SLA: variants seen among roughly 807,000 people sequenced by gnomAD.
SLA encodes the protein src-like-adapter.
A neutral mutation model predicts 30.3 loss-of-function variants in SLA; 16 were observed. The ratio of observed to expected loss-of-function variants is 0.53; its 90% CI spans 0.36 to 0.80. The LOEUF (loss-of-function observed/expected upper bound fraction) is 0.80, where lower values mean the gene tolerates loss of function less well. SLA is among the 30% of genes least tolerant of loss of function. SLA has a pLI of 0.01. For synonymous variants in SLA, 143 were observed against 137.8 expected (o/e 1.04, Z -0.26); for missense variants, 310 against 345.2 (o/e 0.90, Z 0.81).
intron 5 of SLA, chr8:133,049,231 T>G (rs532052106): frequency 1.2e-4 from 52 of 438,668 alleles, no homozygotes; most frequent in Admixed American, 1.1e-4. Flanking sequence ...TGAGCCTAGT[T>G]TTCTAAGATA....
chr8:133,078,467 A>C (rs1845239799), intron 1 of SLA, among the ~76,000 whole-genome samples: 1 of 152,162 alleles, frequency 6.6e-6, no homozygotes, highest in African/African-American at 2.4e-5. Context: ...ACCATTTTCC[A>C]TACTGTTCCT....
Position 133,095,168 on chromosome 8 carries a change from G to A in SLA, c.-319+7385C>T, listed in dbSNP as rs2272707. The A allele has an allele frequency of 2.4e-4, 395 of 1,614,182 alleles. 1 individual carries two copies. The East Asian group carries it at 7.5e-3, about 31-fold the overall frequency. ...AGCCAAGAAGTGGTGTCCTGCCTCC[G>A]CCAGAAGCCTGCCAATGTCCTCAAT... On this transcript the variant is annotated intron_variant, in intron 1 of 8. Coordinates refer to ENST00000338087, the MANE Select transcript of SLA (RefSeq NM_001045556.3).
chr8:133,077,415 T>C (rs1845062588), intron 1 of SLA, among the ~76,000 whole-genome samples: 1 of 152,124 alleles, frequency 6.6e-6, no homozygotes, highest in East Asian at 1.9e-4. Context: ...ACTGAAGGGT[T>C]GCTGCTAACC....
chr8:133,064,433 G>A (rs1842793998), intron 2 of SLA, among the ~76,000 whole-genome samples: 1 of 152,230 alleles, frequency 6.6e-6, no homozygotes, highest in Non-Finnish European at 1.5e-5. Context: ...AATCTTACAA[G>A]CATTCCCAAG....
At chr8:133,042,212 G>A (rs1049672413) in intron 7 of SLA, among the ~76,000 whole-genome samples, 2 of 152,268 alleles carry the variant, frequency 1.3e-5, no homozygotes, top group East Asian at 1.9e-4. Context: ...GCAACTCATT[G>A]CCTCTTAAAT....
intron 2 of SLA, 22 bp from the exon 3 acceptor site, chr8:133,060,222 G>C (rs747991666): frequency 6.2e-7 from 1 of 1,613,174 alleles, no homozygotes; most frequent in South Asian, 1.1e-5. Flanking sequence ...GAGACAGACG[G>C]GGAAAGTCAA....
At chr8:133,041,794 T>G (rs1388228242) in intron 7 of SLA, among the ~76,000 whole-genome samples, 1 of 149,000 alleles carries the variant, frequency 6.7e-6, no homozygotes, top group African/African-American at 2.5e-5. Context: ...GTTTTTTTTT[T>G]TTTTTTTTTT....
Position 133,038,760 on chromosome 8 carries a change from G to A in SLA, c.618-23C>T, listed in dbSNP as rs571882198. 1.9e-6 allele frequency: 3 copies of A among 1,544,300 alleles called. No individual in the cohort carries two copies. In the South Asian group the frequency reaches 3.4e-5, roughly 17 times the overall value. On this transcript the variant is annotated intron_variant, in intron 8 of 8. Transcript: ENST00000338087. ...AGTCTGTGGGCCAGAAGAAAAGGCA[G>A]TAGAGAAAGGGAAAAAAAGAGAGTC...
intron 1 of SLA, among the ~76,000 whole-genome samples, chr8:133,102,125 G>T (rs1374976141): frequency 3.3e-5 from 5 of 152,198 alleles, no homozygotes; most frequent in African/African-American, 1.2e-4. Flanking sequence ...TTAATATTAA[G>T]ATTAGTGTCC....
chr8:133,074,597 C>T (rs889522009), intron 2 of SLA, among the ~76,000 whole-genome samples: 9 of 152,176 alleles, frequency 5.9e-5, no homozygotes, highest in Non-Finnish European at 1.5e-5. Flanking sequence ...GCCTTTTTGG[C>T]GAGAATGTCT....
At chr8:133,060,036 C>T in intron 3 of SLA, 64 bp downstream of exon 3, 1 of 1,488,530 alleles carries the variant, frequency 6.7e-7, no homozygotes. Context: ...CCACCACCGC[C>T]CAGTCTTTAC....
intron 2 of SLA, among the ~76,000 whole-genome samples, chr8:133,070,029 A>C (rs60297487): frequency 0.76 from 82,434 of 109,052 alleles, 32,493 homozygotes; most frequent in African/African-American, 0.81. Flanking sequence ...AAAAAAAAGA[A>C]AGAAAGAAAG....
chr8:133,081,810 G>C (rs1306901581), intron 1 of SLA, among the ~76,000 whole-genome samples: 1 of 152,192 alleles, frequency 6.6e-6, no homozygotes, highest in Non-Finnish European at 1.5e-5. Context: ...CCCAATTTCA[G>C]TTGTTTGCAA....
intron 2 of SLA, among the ~76,000 whole-genome samples, chr8:133,070,011 A>G (rs1843726382): frequency 1.7e-5 from 2 of 118,462 alleles, no homozygotes; most frequent in South Asian, 2.4e-4. Flanking sequence ...CAAAAAAAAA[A>G]AAAAAAAAAA....
chr8:133,070,615 G>A (rs1261052546), intron 2 of SLA, among the ~76,000 whole-genome samples: 1 of 152,196 alleles, frequency 6.6e-6, no homozygotes, highest in African/African-American at 2.4e-5. Flanking sequence ...GAGTTACAAG[G>A]CTTGTTCAGG....
At chr8:133,076,759 T>TAAAAAAAAAA (rs35056813) in intron 1 of SLA, 5 of 128,422 alleles carry the variant, frequency 3.9e-5, no homozygotes, top group African/African-American at 1.5e-4. Flanking sequence ...GATTTAGCTG[T>TAAAAAAAAAA]AAAAAAAAAA....
At chr8:133,058,569 C>T (rs1221816742) in intron 3 of SLA, among the ~76,000 whole-genome samples, 1 of 152,172 alleles carries the variant, frequency 6.6e-6, no homozygotes, top group Non-Finnish European at 1.5e-5. Flanking sequence ...GCCTCCCCAG[C>T]CTGCCTGGGC....
intron 1 of SLA, among the ~76,000 whole-genome samples, chr8:133,100,805 T>C (rs1849126333): frequency 6.6e-6 from 1 of 152,218 alleles, no homozygotes; most frequent in African/African-American, 2.4e-5. Flanking sequence ...TCTACCCACA[T>C]TCTTTTTTTT....
At chr8:133,077,069 C>A (rs74572539) in intron 1 of SLA, among the ~76,000 whole-genome samples, 1 of 152,116 alleles carries the variant, frequency 6.6e-6, no homozygotes, top group East Asian at 1.9e-4. Flanking sequence ...GGTGGCCAGT[C>A]GTGGGGTGGA....
Sources: gnomAD v4.1 joint callset for allele counts (sites outside exome capture counted in the v4.1 genomes callset) on GRCh38, gnomAD v4.1.1 for gene constraint, MANE v1.5 for transcripts, NCBI Gene and HGNC (gene_info 2026-07-23, HGNC 2026-07-21) for gene names.